Variants in CADM1 observed in about 807,000 individuals in gnomAD.
CADM1 encodes the protein cell adhesion molecule 1, also known as TSLC-1.
CADM1 carries 15 observed loss-of-function variants against 53.1 expected under a neutral mutation model. The observed-to-expected ratio is 0.28, with a 90% CI of 0.19 to 0.44. The LOEUF (loss-of-function observed/expected upper bound fraction) is 0.44, where lower values mean the gene tolerates loss of function less well. Ranked by LOEUF, CADM1 falls within the 20% of genes least tolerant of loss-of-function variation. CADM1 has a pLI of 1.00. For missense variants in CADM1, 434 were observed against 611.3 expected (o/e 0.71, Z 3.06); for synonymous variants, 281 against 243.0 (o/e 1.16, Z -1.45).
intron 5 of CADM1, among the ~76,000 whole-genome samples, chr11:115,223,955 G>T (rs1276659343): frequency 1.9e-5 from 1 of 53,354 alleles, no homozygotes. Flanking sequence ...AGCGTATTCC[G>T]TTTAAAAAAA....
intron 9 of CADM1, 130 bp from the exon 10 acceptor site, chr11:115,191,071 G>A (rs544733414): frequency 1.1e-4 from 82 of 725,492 alleles, no homozygotes; most frequent in Non-Finnish European, 1.7e-4. Flanking sequence ...TTGATAGCAT[G>A]AATGTATTAA....
chr11:115,432,023 C>A (rs1332634676), intron 1 of CADM1, among the ~76,000 whole-genome samples: 1 of 152,130 alleles, frequency 6.6e-6, no homozygotes, highest in East Asian at 1.9e-4. Flanking sequence ...CGGCTCACTG[C>A]AACCTCTGCC....
chr11:115,343,221 T>G (rs1945494055), intron 1 of CADM1, among the ~76,000 whole-genome samples: 1 of 152,134 alleles, frequency 6.6e-6, no homozygotes. Context: ...GTCAAACAAC[T>G]AGTAAAAGAT....
intron 1 of CADM1, among the ~76,000 whole-genome samples, chr11:115,306,004 C>T (rs1313397840): frequency 6.8e-6 from 1 of 147,318 alleles, no homozygotes; most frequent in Non-Finnish European, 1.5e-5. Flanking sequence ...ATATATCAAA[C>T]CACTTTCAGC....
intron 1 of CADM1, among the ~76,000 whole-genome samples, chr11:115,247,441 A>G (rs2134953678): frequency 6.6e-6 from 1 of 152,318 alleles, no homozygotes; most frequent in Non-Finnish European, 1.5e-5. Context: ...ATTAAGCAAA[A>G]GGCCTGGTTT....
At chr11:115,338,877 ATTTTTT>A (rs56300408) in intron 1 of CADM1, among the ~76,000 whole-genome samples, 1 of 127,744 alleles carries the variant, frequency 7.8e-6, no homozygotes, top group East Asian at 2.2e-4. Flanking sequence ...TATTTTTTTT[ATTTTTT>A]TTTTTTTAAT....
At chr11:115,182,981 C>T (rs539897089) in intron 10 of CADM1, among the ~76,000 whole-genome samples, 2 of 152,294 alleles carry the variant, frequency 1.3e-5, no homozygotes, top group East Asian at 3.9e-4. Context: ...ACCCTGGGCT[C>T]GCTTTAGCAT....
At chr11:115,225,754 G>A (rs1467033002) in intron 5 of CADM1, among the ~76,000 whole-genome samples, 2 of 152,064 alleles carry the variant, frequency 1.3e-5, no homozygotes, top group Non-Finnish European at 2.9e-5. Flanking sequence ...CTTACTTAAA[G>A]TAAGATATTT....
At chr11:115,269,498 G>C (rs932709968) in intron 1 of CADM1, among the ~76,000 whole-genome samples, 4 of 152,064 alleles carry the variant, frequency 2.6e-5, no homozygotes, top group African/African-American at 9.7e-5. Flanking sequence ...AGTTATTCTT[G>C]AAAACTAGGA....
intron 9 of CADM1, among the ~76,000 whole-genome samples, chr11:115,191,519 T>C (rs1023389872): frequency 3.3e-5 from 5 of 152,316 alleles, no homozygotes; most frequent in African/African-American, 9.6e-5. Flanking sequence ...ATCAATGGTA[T>C]TCCTGAAAAA....
At chr11:115,490,863 C>G (rs1199994822) in intron 1 of CADM1, among the ~76,000 whole-genome samples, 2 of 152,192 alleles carry the variant, frequency 1.3e-5, no homozygotes, top group Non-Finnish European at 2.9e-5. Context: ...TCCTCTTCCT[C>G]TTCTGTAAAA....
intron 1 of CADM1, among the ~76,000 whole-genome samples, chr11:115,328,253 T>G (rs996816138): frequency 6.6e-6 from 1 of 152,114 alleles, no homozygotes; most frequent in East Asian, 1.9e-4. Context: ...TCTTCTGATT[T>G]CTGCCTTCCC....
intron 1 of CADM1, among the ~76,000 whole-genome samples, chr11:115,266,359 T>G (rs1264107860): frequency 6.6e-6 from 1 of 152,242 alleles, no homozygotes; most frequent in Non-Finnish European, 1.5e-5. Flanking sequence ...CTATAACTTT[T>G]TCAGCTAGGA....
chr11:115,285,796 T>C (rs1332669963), intron 1 of CADM1, among the ~76,000 whole-genome samples: 1 of 152,176 alleles, frequency 6.6e-6, no homozygotes, highest in African/African-American at 2.4e-5. Context: ...TGAGCCACTG[T>C]AGCTCTCTCA....
At chr11:115,283,584 A>T (rs1565342725) in intron 1 of CADM1, among the ~76,000 whole-genome samples, 1 of 152,250 alleles carries the variant, frequency 6.6e-6, no homozygotes, top group South Asian at 2.1e-4. Flanking sequence ...GGGTTTAAAA[A>T]GGCAGCATAA....
intron 1 of CADM1, among the ~76,000 whole-genome samples, chr11:115,352,179 TAC>T (rs1945754725): frequency 6.6e-6 from 1 of 152,198 alleles, no homozygotes; most frequent in African/African-American, 2.4e-5. Flanking sequence ...TGTATAAATC[TAC>T]TAAAGGGAAT....
chr11:115,269,820 C>T (rs1943247748), intron 1 of CADM1, among the ~76,000 whole-genome samples: 1 of 152,184 alleles, frequency 6.6e-6, no homozygotes, highest in African/African-American at 2.4e-5. Context: ...TATTTGTATA[C>T]ATTTGAATTG....
At chr11:115,200,899 C>A (rs1398966591) in intron 8 of CADM1, among the ~76,000 whole-genome samples, 1 of 152,136 alleles carries the variant, frequency 6.6e-6, no homozygotes, top group East Asian at 1.9e-4. Context: ...TCAGCATTAA[C>A]CAGTGACCCC....
chr11:115,308,175 G>GTGTGTGTGTGTA (rs1353212174), intron 1 of CADM1, among the ~76,000 whole-genome samples: 19 of 117,430 alleles, frequency 1.6e-4, no homozygotes, highest in African/African-American at 7.2e-4. Flanking sequence ...GTGTGTGTGT[G>GTGTGTGTGTGTA]TATATCACTC....
Sources: allele counts gnomAD v4.1 joint callset (sites outside exome capture counted in the v4.1 genomes callset), GRCh38; gene constraint gnomAD v4.1.1; transcripts MANE v1.5; gene names NCBI Gene and HGNC (gene_info 2026-07-23, HGNC 2026-07-21).